GPR176: variants seen among roughly 807,000 people sequenced by gnomAD.
GPR176 encodes the protein G protein-coupled receptor 176.
Under a neutral mutation model 35.4 loss-of-function variants are expected in GPR176, and 26 were observed. The observed-to-expected ratio is 0.74, with a 90% confidence interval of 0.54 to 1.02. The LOEUF is 1.02. GPR176 is among the 50% of genes least tolerant of loss of function. The pLI, the probability that GPR176 is intolerant of heterozygous loss-of-function variation, is 0.00. For synonymous variants in GPR176, 278 were observed against 271.3 expected (o/e 1.02, Z -0.24); for missense variants, 597 against 665.3 (o/e 0.90, Z 1.13).
At chr15:39,912,893 G>A (rs181122761) in intron 1 of GPR176, among the ~76,000 whole-genome samples, 41 of 152,200 alleles carry the variant, frequency 2.7e-4, no homozygotes, top group Non-Finnish European at 2.1e-4. Flanking sequence ...AGGGATATTT[G>A]GAGCTGTCTG....
intron 1 of GPR176, among the ~76,000 whole-genome samples, chr15:39,868,399 G>GT (rs1753539049): frequency 6.6e-6 from 1 of 152,148 alleles, no homozygotes; most frequent in South Asian, 2.1e-4. Flanking sequence ...CTGACTGTGA[G>GT]TATCAGGCAG....
chr15:39,811,100 T>C (rs576570719), intron 1 of GPR176, among the ~76,000 whole-genome samples: 3 of 152,376 alleles, frequency 2.0e-5, no homozygotes, highest in African/African-American at 4.8e-5. Flanking sequence ...AGCTTTCTTA[T>C]AGACAGCATA....
At chr15:39,857,972 A>G (rs75618574) in intron 1 of GPR176, among the ~76,000 whole-genome samples, 29 of 130,754 alleles carry the variant, frequency 2.2e-4, no homozygotes, top group African/African-American at 8.4e-4. Context: ...CTCCTTCTCC[A>G]AAAAAAAAAA....
At chr15:39,832,654 A>AAC (rs112693906) in intron 1 of GPR176, among the ~76,000 whole-genome samples, 8,257 of 145,068 alleles carry the variant, frequency 0.057, 594 homozygotes, top group African/African-American at 0.18. Context: ...TGATGAGCTA[A>AAC]ACACACACAC....
intron 1 of GPR176, among the ~76,000 whole-genome samples, chr15:39,899,902 A>C (rs1484054921): frequency 6.6e-6 from 1 of 152,168 alleles, no homozygotes; most frequent in Non-Finnish European, 1.5e-5. Context: ...AATTAAAATC[A>C]TCCTAGATTC....
At chr15:39,887,523 C>G (rs1276973297) in intron 1 of GPR176, among the ~76,000 whole-genome samples, 1 of 149,954 alleles carries the variant, frequency 6.7e-6, no homozygotes, top group Non-Finnish European at 1.5e-5. Context: ...AGGTGAAAAA[C>G]AGCAAAGGCA....
At chr15:39,818,964 C>T (rs1402140506) in intron 1 of GPR176, among the ~76,000 whole-genome samples, 2 of 152,196 alleles carry the variant, frequency 1.3e-5, no homozygotes, top group Non-Finnish European at 2.9e-5. Flanking sequence ...CCTTGAGAAG[C>T]ACATTATTCT....
intron 1 of GPR176, among the ~76,000 whole-genome samples, chr15:39,836,847 T>C (rs1901428271): frequency 6.6e-6 from 1 of 152,146 alleles, no homozygotes; most frequent in Non-Finnish European, 1.5e-5. Context: ...AGATGCTTAC[T>C]AAATGTTTGT....
intron 1 of GPR176, among the ~76,000 whole-genome samples, chr15:39,893,403 A>G (rs2032948514): frequency 6.6e-6 from 1 of 152,040 alleles, no homozygotes. Flanking sequence ...CATGTTTCAG[A>G]GAGCACAGGG....
At chr15:39,861,509 AC>A (rs2031585386) in intron 1 of GPR176, among the ~76,000 whole-genome samples, 1 of 151,834 alleles carries the variant, frequency 6.6e-6, no homozygotes, top group South Asian at 2.1e-4. Context: ...AGATCATGCC[AC>A]TGCACTCCAG....
At chr15:39,823,270 A>C (rs1865755) in intron 1 of GPR176, among the ~76,000 whole-genome samples, 24,211 of 151,966 alleles carry the variant, frequency 0.16, 3,580 homozygotes, top group African/African-American at 0.4. Flanking sequence ...TGCCCACTTG[A>C]CTTCTTTACT....
intron 1 of GPR176, among the ~76,000 whole-genome samples, chr15:39,899,343 A>G (rs1246788007): frequency 6.6e-6 from 1 of 152,190 alleles, no homozygotes; most frequent in East Asian, 1.9e-4. Context: ...CTAAGTCTCT[A>G]AGGATGGAAA....
rs543768276 is a variant in GPR176, at chr15:39,818,483, C to T, written c.173-11225G>A. 1.1e-3 allele frequency among the ~76,000 whole-genome samples: 166 copies of T among 152,244 alleles called. 1 individual carries two copies. Among genetic ancestry groups the T allele is most frequent in the African/African-American group, 3.8e-3 (156 of 41,534 alleles). Reference sequence around the variant, plus strand: ...GAATACTTGTTCCCAAAGAATAATGCAGATAAAATATTAGCAAGATTCACT... The same window carrying T: ...GAATACTTGTTCCCAAAGAATAATGTAGATAAAATATTAGCAAGATTCACT... On this transcript the variant is annotated intron_variant, in intron 1 of 2. Transcript: ENST00000561100.
At chr15:39,915,700 C>A (rs2033709537) in intron 1 of GPR176, among the ~76,000 whole-genome samples, 1 of 152,052 alleles carries the variant, frequency 6.6e-6, no homozygotes, top group Admixed American at 6.6e-5. Flanking sequence ...CTTGGTGAAA[C>A]CCCGTCTCTA....
At chr15:39,846,005 G>A (rs542982803) in intron 1 of GPR176, among the ~76,000 whole-genome samples, 30 of 152,320 alleles carry the variant, frequency 2.0e-4, no homozygotes, top group African/African-American at 5.1e-4. Flanking sequence ...GGCCACAGAT[G>A]AGCCTTCACT....
chr15:39,905,523 A>T (rs2033396670), intron 1 of GPR176, among the ~76,000 whole-genome samples: 1 of 152,116 alleles, frequency 6.6e-6, no homozygotes, highest in Non-Finnish European at 1.5e-5. Flanking sequence ...CTTGATCACA[A>T]GAAGTTGCTG....
intron 1 of GPR176, among the ~76,000 whole-genome samples, chr15:39,854,809 G>A (rs2031100620): frequency 1.3e-5 from 2 of 152,140 alleles, no homozygotes; most frequent in Middle Eastern, 3.4e-3. Flanking sequence ...GCCTGCGGTG[G>A]GAGGATCACT....
intron 1 of GPR176, chr15:39,829,106 T>G: frequency 2.3e-6 from 3 of 1,287,920 alleles, no homozygotes; most frequent in Non-Finnish European, 3.3e-6. Context: ...TAAGAAGCAG[T>G]GGAGCTGGCA....
At chr15:39,902,364 G>C (rs1171531291) in intron 1 of GPR176, among the ~76,000 whole-genome samples, 2 of 152,138 alleles carry the variant, frequency 1.3e-5, no homozygotes, top group Non-Finnish European at 2.9e-5. Context: ...CAAGAAAAAT[G>C]ATTTGACACT....
Sources: gnomAD v4.1 joint callset for allele counts (sites outside exome capture counted in the v4.1 genomes callset) on GRCh38, gnomAD v4.1.1 for gene constraint, MANE v1.5 for transcripts, NCBI Gene and HGNC (gene_info 2026-07-23, HGNC 2026-07-21) for gene names.